HADHA: variants seen among roughly 807,000 people sequenced by gnomAD.
HADHA encodes the protein trifunctional enzyme subunit alpha, mitochondrial.
In HADHA, 59 loss-of-function variants were observed where a neutral mutation model predicts 91.3. The ratio of observed to expected loss-of-function variants is 0.65; its 90% CI spans 0.52 to 0.80. The LOEUF is 0.80. HADHA is among the 30% of genes least tolerant of loss of function. HADHA has a pLI of 0.00. For synonymous variants in HADHA, 320 were observed against 338.9 expected (o/e 0.94, Z 0.61); for missense variants, 800 against 927.6 (o/e 0.86, Z 1.79).
Position 26,236,895 on chromosome 2 carries a change from A to G in HADHA, c.274T>C (p.Ser92Pro). ...GCAATAAAGCAGCCTGGCTTTGATG[A>G]GATAAGGACGGCACTTCTGATTTGA... ...SDQIRSAVLI[S>P]SKPGCFIAGA... The change falls in exon 4 of 20, where the codon TCA becomes CCA. Residue 92 changes from serine to proline, a missense_variant. Ser to Pro is a moderately conservative substitution (Grantham distance 74). Coordinates refer to ENST00000380649, the MANE Select transcript of HADHA (RefSeq NM_000182.5). 1 of 1,612,126 alleles carries G rather than the reference A, an allele frequency of 6.2e-7. No individual in the cohort carries two copies. The highest frequency in any genetic ancestry group is 8.5e-7 in the Non-Finnish European group (1 of 1,178,538).
chr2:26,244,501 G>C (rs1265247321), intron 1 of HADHA, 29 bp downstream of exon 1: 2 of 1,558,328 alleles, frequency 1.3e-6, no homozygotes, highest in Admixed American at 1.9e-5. Flanking sequence ...TCTGCCCGGA[G>C]GTCTGGGATG....
chr2:26,233,443 T>C (rs1480665831), intron 5 of HADHA, among the ~76,000 whole-genome samples: 1 of 152,252 alleles, frequency 6.6e-6, no homozygotes, highest in East Asian at 1.9e-4. Context: ...GTTCAGCATG[T>C]GAAAAGTGCT....
At position 26,229,523 on chromosome 2, in the gene HADHA, G is replaced by A. The variant is rs1670568949; in HGVS notation, c.676+669C>T. ...CTGAATGGGAGGAAGTAGCCCATCA[G>A]TAGATATCAATTATTGTTAATATTC... On this transcript the variant is annotated intron_variant, in intron 7 of 19. Transcript: ENST00000380649. This position sits in a 1 kb window ranked among gnomAD's most constrained non-coding sequence, Gnocchi z 4.3. Among the ~76,000 whole-genome samples, 1 of 152,132 alleles carries A rather than the reference G, an allele frequency of 6.6e-6. No individual in the cohort carries two copies.
rs927564379 is a variant in HADHA, at chr2:26,194,610, C to T, written c.1649G>A (p.Cys550Tyr). ...KDGPGFYTTR[C>Y]LAPMMSEVIR... is the part of the protein sequence containing the mutation. ...GACTTCAGACATCATGGGCGCAAGA[C>T]ACCTGGTAGTATAGAAGCCAGGTCC... The change falls in exon 16 of 20, where the codon TGT (cysteine) becomes TAT (tyrosine). Residue 550 changes from cysteine to tyrosine, a missense_variant. Physicochemically the swap from Cys to Tyr is radical, Grantham distance 194 (BLOSUM62 -2). Transcript: ENST00000380649. 1 of 1,612,384 alleles carries T rather than the reference C, an allele frequency of 6.2e-7. No homozygotes were observed. Among genetic ancestry groups the T allele is most frequent in the Non-Finnish European group, 8.5e-7 (1 of 1,178,512 alleles).
In HADHA at chr2:26,201,175, G is replaced by C. The variant is rs1478948506; in HGVS notation, c.1366C>G (p.His456Asp). 6 of 1,613,646 alleles carry C rather than the reference G, an allele frequency of 3.7e-6. No individual in the cohort carries two copies. In the African/African-American group the frequency reaches 8.0e-5, roughly 22 times the overall value. Residue 456 changes from histidine to aspartate, a missense_variant, in exon 13 of 20, where the codon CAC (histidine) becomes GAC (aspartate). By Grantham distance (81) the His-to-Asp change is moderately conservative. Coordinates refer to ENST00000380649, the MANE Select transcript of HADHA (RefSeq NM_000182.5). ...EAVFEDLSLK[H>D]RVLKEVEAVI... ...GCTTCTACTTCCTTTAGCACTCTGT[G>C]CTTAAGACTAAGGTCCTCAAACACA...
chr2:26,209,903 G>C lies in HADHA; in HGVS notation c.976-14C>G, dbSNP rs754004337. The C allele has an allele frequency of 7.6e-7, 1 of 1,308,020 alleles. No homozygotes were observed. The highest frequency in any genetic ancestry group is 1.1e-6 in the Non-Finnish European group (1 of 900,406). 81.0% of individuals were successfully genotyped at this position (1,308,020 alleles called of 1,614,324 possible). A position where few individuals can be genotyped will look rare whatever the true frequency, so the allele number is the denominator to read the frequency against. ...CTCTCCAAATTTCTGAAAAGTAAAG[G>C]GGAATGAGAAAAGGTAGAACTTCAC... On this transcript the variant is annotated splice_polypyrimidine_tract_variant and intron_variant, in intron 10 of 19. Transcript: ENST00000380649.
At chr2:26,208,228 T>A (rs569097714) in intron 11 of HADHA, among the ~76,000 whole-genome samples, 9 of 152,122 alleles carry the variant, frequency 5.9e-5, no homozygotes, top group Non-Finnish European at 8.8e-5. Context: ...TGCATTGTGG[T>A]TGTTTTTTGG....
chr2:26,195,835 G>C (rs1368583085), intron 14 of HADHA, among the ~76,000 whole-genome samples: 1 of 152,162 alleles, frequency 6.6e-6, no homozygotes, highest in Non-Finnish European at 1.5e-5. Flanking sequence ...CAGCCCTACT[G>C]AATCAGAAAC....
chr2:26,230,335 T>C (rs1292528124), intron 6 of HADHA, 41 bp from the exon 7 acceptor site: 1 of 1,125,312 alleles, frequency 8.9e-7, no homozygotes, highest in East Asian at 2.3e-5. Context: ...GGGAAAAAAA[T>C]CAGGGTGATA....
chr2:26,238,690 A>C (rs1439872456), intron 3 of HADHA, among the ~76,000 whole-genome samples: 2 of 152,238 alleles, frequency 1.3e-5, no homozygotes, highest in Non-Finnish European at 2.9e-5. Flanking sequence ...CTCATTCTAC[A>C]CTATAACCAG....
intron 5 of HADHA, among the ~76,000 whole-genome samples, chr2:26,233,384 G>T (rs758823965): frequency 3.8e-4 from 58 of 152,248 alleles, no homozygotes; most frequent in Non-Finnish European, 6.0e-4. Flanking sequence ...ATTGGTCATT[G>T]AAACGTTATG....
chr2:26,193,547 T>A, intron 17 of HADHA, 30 bp downstream of exon 17: 1 of 1,534,882 alleles, frequency 6.5e-7, no homozygotes, highest in South Asian at 1.1e-5. Context: ...TAACTAATGG[T>A]GCTAGTTATG....
chr2:26,206,615 G>T (rs1052831003), intron 11 of HADHA, among the ~76,000 whole-genome samples: 1 of 152,116 alleles, frequency 6.6e-6, no homozygotes, highest in Non-Finnish European at 1.5e-5. Context: ...TTTTGGGGGG[G>T]TTCTTTGGTT....
At chr2:26,207,556 A>C (rs1221470720) in intron 11 of HADHA, among the ~76,000 whole-genome samples, 2 of 152,210 alleles carry the variant, frequency 1.3e-5, no homozygotes, top group Non-Finnish European at 2.9e-5. Context: ...AAATTAACAC[A>C]CTTCACAATC....
At position 26,214,285 on chromosome 2, in the gene HADHA, C is replaced by T. The variant is rs574250309; in HGVS notation, c.918+158G>A. On this transcript the variant is annotated intron_variant, in intron 9 of 19. Coordinates refer to ENST00000380649, the MANE Select transcript of HADHA (RefSeq NM_000182.5). This position sits in a 1 kb window ranked among gnomAD's most constrained non-coding sequence, Gnocchi z 4.1. ...ATATATCACTTTATATGAGTCCTTACAGCTTGCTATGCCCTTCCCTTATTT... is the reference window on the plus strand; with the variant it reads ...ATATATCACTTTATATGAGTCCTTATAGCTTGCTATGCCCTTCCCTTATTT... 6.6e-6 allele frequency among the ~76,000 whole-genome samples: 1 copy of T among 152,280 alleles called. No homozygotes were observed. The highest frequency in any genetic ancestry group is 2.1e-4 in the South Asian group (1 of 4,826).
At chr2:26,204,022 A>G in intron 12 of HADHA, 40 bp downstream of exon 12, 1 of 1,603,878 alleles carries the variant, frequency 6.2e-7, no homozygotes. Flanking sequence ...CAAGAAACAA[A>G]GGACATTCTA....
Position 26,197,750 on chromosome 2 carries a change from T to A in HADHA, c.1420A>T (p.Ser474Cys). 1 of 1,547,642 alleles carries A rather than the reference T, an allele frequency of 6.5e-7. No homozygotes were observed. Among genetic ancestry groups the A allele is most frequent in the Non-Finnish European group, 8.9e-7 (1 of 1,119,128 alleles). Residue 474 changes from serine (S) to cysteine (C), a missense_variant, in exon 14 of 20, where the codon AGT becomes TGT. Transcript: ENST00000380649. ...AVIPDHCIFA[S>C]NTSALPISEI... ...CTGATTGGGAGAGCAGATGTGTTAC[T>A]GGCAAAGATACAGTGATCTGGAATC... is the stretch of plus-strand genomic sequence containing the variant.
At chr2:26,234,576 C>A (rs1670701346) in intron 4 of HADHA, among the ~76,000 whole-genome samples, 3 of 152,224 alleles carry the variant, frequency 2.0e-5, no homozygotes, top group African/African-American at 7.2e-5. Flanking sequence ...ACCATCCCGG[C>A]TAACACGGTG....
intron 4 of HADHA, among the ~76,000 whole-genome samples, chr2:26,236,144 AT>A (rs1670746039): frequency 6.6e-6 from 1 of 152,180 alleles, no homozygotes; most frequent in Admixed American, 6.5e-5. Flanking sequence ...TTCTAACATC[AT>A]ATTGTGGATC....
Sources: gnomAD v4.1 joint callset for allele counts (sites outside exome capture counted in the v4.1 genomes callset) on GRCh38, gnomAD v4.1.1 for gene constraint, Gnocchi (gnomAD v3.1) non-coding constraint, MANE v1.5 for transcripts, NCBI Gene and HGNC (gene_info 2026-07-23, HGNC 2026-07-21) for gene names.